Variants in CRLF1 observed in about 807,000 individuals in gnomAD.
CRLF1 encodes the protein cytokine receptor like factor 1.
CRLF1 carries 36 observed loss-of-function variants against 48.9 expected under a neutral mutation model. The ratio of observed to expected loss-of-function variants is 0.74; its 90% CI spans 0.56 to 0.97. CRLF1 has a LOEUF of 0.97. Ranked by LOEUF, CRLF1 falls within the 50% of genes least tolerant of loss-of-function variation. The probability of loss-of-function intolerance (pLI) is 0.00; values close to 1 mark genes in which losing one functional copy is unlikely to be tolerated. For synonymous variants in CRLF1, 256 were observed against 253.4 expected (o/e 1.01, Z -0.10); for missense variants, 534 against 575.1 (o/e 0.93, Z 0.73).
chr19:18,594,032 T>TGGGGGGCCCCCCCCCC, intron 8 of CRLF1, 33 bp downstream of exon 8: 5 of 695,808 alleles, frequency 7.2e-6, no homozygotes, highest in Non-Finnish European at 6.6e-6. Context: ...CTCCCCTTGC[T>TGGGGGGCCCCCCCCCC]CCCTCCCGCC....
At chr19:18,600,953 C>T (rs980125803) in intron 1 of CRLF1, among the ~76,000 whole-genome samples, 1 of 152,064 alleles carries the variant, frequency 6.6e-6, no homozygotes, top group African/African-American at 2.4e-5. Context: ...TACAGGTGTG[C>T]ACCACCACAC....
chr19:18,602,127 C>T (rs1406119312), intron 1 of CRLF1, among the ~76,000 whole-genome samples: 2 of 152,192 alleles, frequency 1.3e-5, no homozygotes, highest in Non-Finnish European at 2.9e-5. Flanking sequence ...CTTGGGGACG[C>T]CCATGGGTGG....
chr19:18,605,232 G>T (rs1161866997), intron 1 of CRLF1, among the ~76,000 whole-genome samples: 1 of 152,008 alleles, frequency 6.6e-6, no homozygotes, highest in African/African-American at 2.4e-5. Context: ...GCTGCCCACC[G>T]CCTGGCAGAG....
At chr19:18,599,157 G>A in intron 2 of CRLF1, 1 of 966,758 alleles carries the variant, frequency 1.0e-6, no homozygotes, top group Non-Finnish European at 1.2e-6. Flanking sequence ...CCAGGCTGGA[G>A]TGCAATGGTG....
At chr19:18,601,003 G>T (rs930738582) in intron 1 of CRLF1, among the ~76,000 whole-genome samples, 1 of 151,842 alleles carries the variant, frequency 6.6e-6, no homozygotes, top group Non-Finnish European at 1.5e-5. Flanking sequence ...ATGAGGTCTC[G>T]CTAGTTTGCT....
chr19:18,601,217 G>C (rs928731933), intron 1 of CRLF1, among the ~76,000 whole-genome samples: 1 of 151,968 alleles, frequency 6.6e-6, no homozygotes, highest in African/African-American at 2.4e-5. Flanking sequence ...GTGTTTCTGT[G>C]GGGGAAGGGC....
Position 18,599,867 on chromosome 19 carries a change from G to A in CRLF1, c.116-21C>T, listed in dbSNP as rs542727599. ...TGTGTCTGGGGTCAAAGAGGAACACGTGTCAGGCCAGGGCGGGGACCCTCC... is the reference window on the plus strand; with the variant it reads ...TGTGTCTGGGGTCAAAGAGGAACACATGTCAGGCCAGGGCGGGGACCCTCC... On this transcript the variant is annotated intron_variant, in intron 1 of 8. Transcript: ENST00000392386. The A allele has an allele frequency of 6.6e-6, 10 of 1,505,136 alleles. No homozygotes were observed. The African/African-American group carries it at 9.7e-5, about 15-fold the overall frequency. 93.2% of individuals were successfully genotyped at this position (1,505,136 alleles called of 1,614,324 possible).
chr19:18,601,067 A>G (rs1187145499), intron 1 of CRLF1, among the ~76,000 whole-genome samples: 1 of 152,168 alleles, frequency 6.6e-6, no homozygotes, highest in African/African-American at 2.4e-5. Context: ...TGGCCTCCCA[A>G]AGTCCTGGGA....
chr19:18,594,019 G>A (rs1976092038), intron 8 of CRLF1, 46 bp downstream of exon 8: 3 of 1,537,932 alleles, frequency 2.0e-6, no homozygotes, highest in Non-Finnish European at 2.6e-6. Context: ...ACCGGAAGGG[G>A]CCCTCCCCTT....
At chr19:18,594,031 C>A in intron 8 of CRLF1, 34 bp downstream of exon 8, 1 of 1,299,854 alleles carries the variant, frequency 7.7e-7, no homozygotes, top group Admixed American at 2.4e-5. Context: ...CCTCCCCTTG[C>A]TCCCTCCCGC....
chr19:18,601,401 C>T (rs377044528), intron 1 of CRLF1, among the ~76,000 whole-genome samples: 3 of 152,098 alleles, frequency 2.0e-5, no homozygotes, highest in African/African-American at 4.8e-5. Flanking sequence ...GTCAGCCTCC[C>T]GAGTAGCTGG....
chr19:18,595,833 T>G (rs1170824453), intron 6 of CRLF1, among the ~76,000 whole-genome samples: 1 of 152,208 alleles, frequency 6.6e-6, no homozygotes, highest in Non-Finnish European at 1.5e-5. Context: ...AGGCACCTAA[T>G]CATTCCCATC....
At position 18,596,605 on chromosome 19, in the gene CRLF1, C is replaced by T. The variant is rs1003608922; in HGVS notation, c.1024+17G>A. On this transcript the variant is annotated intron_variant, in intron 6 of 8. Transcript: ENST00000392386. ...CGGACTGGCCGCTGGATCACCCAGC[C>T]CTAGGAGGGTGCTCACCACTGCGGG... is the stretch of plus-strand genomic sequence containing the variant. 3 of 1,613,504 alleles carry T rather than the reference C, an allele frequency of 1.9e-6. No homozygotes were observed. Among genetic ancestry groups the T allele is most frequent in the Admixed American group, 1.7e-5 (1 of 59,974 alleles).
At chr19:18,600,658 G>A (rs185370196) in intron 1 of CRLF1, among the ~76,000 whole-genome samples, 3 of 151,966 alleles carry the variant, frequency 2.0e-5, no homozygotes, top group Admixed American at 6.6e-5. Flanking sequence ...GAGCCACTGC[G>A]CCTGGCCAAG....
At chr19:18,599,438 C>G (rs1218238476) in intron 2 of CRLF1, 127 bp downstream of exon 2, 3 of 1,358,768 alleles carry the variant, frequency 2.2e-6, no homozygotes, top group African/African-American at 2.9e-5. Flanking sequence ...ACCTGAAAGA[C>G]CTGCATAGCC....
intron 1 of CRLF1, 30 bp from the exon 2 acceptor site, chr19:18,599,876 C>A: frequency 6.7e-7 from 1 of 1,494,446 alleles, no homozygotes; most frequent in Non-Finnish European, 8.9e-7. Flanking sequence ...CGTGTCAGGC[C>A]AGGGCGGGGA....
intron 3 of CRLF1, 47 bp from the exon 4 acceptor site, chr19:18,598,648 C>T: frequency 6.2e-7 from 1 of 1,613,756 alleles, no homozygotes; most frequent in Non-Finnish European, 8.5e-7. Flanking sequence ...TCCTTGTGGC[C>T]CCCAGACCTC....
intron 1 of CRLF1, among the ~76,000 whole-genome samples, chr19:18,604,642 C>T (rs902546390): frequency 1.3e-5 from 2 of 152,094 alleles, no homozygotes; most frequent in South Asian, 2.1e-4. Context: ...TGGGCTAAGG[C>T]GCTGGGGACA....
chr19:18,605,276 C>G (rs1288454197), intron 1 of CRLF1, among the ~76,000 whole-genome samples: 1 of 152,146 alleles, frequency 6.6e-6, no homozygotes, highest in African/African-American at 2.4e-5. Flanking sequence ...CGAGGTAGCC[C>G]CTCACCTGAA....
Sources: allele counts gnomAD v4.1 joint callset (sites outside exome capture counted in the v4.1 genomes callset), GRCh38; gene constraint gnomAD v4.1.1; transcripts MANE v1.5; gene names NCBI Gene and HGNC (gene_info 2026-07-23, HGNC 2026-07-21).